RGSL1: variants seen among roughly 807,000 people sequenced by gnomAD.
The protein encoded by RGSL1 is regulator of G protein signaling protein-like.
A neutral mutation model predicts 124.7 loss-of-function variants in RGSL1; 97 were observed. The observed-to-expected ratio is 0.78, with a 90% CI of 0.66 to 0.92. The LOEUF is 0.92. RGSL1 is among the 40% of genes least tolerant of loss of function. The pLI is 0.00. For synonymous variants in RGSL1, 424 were observed against 438.1 expected, an observed-to-expected ratio of 0.97 and a Z score of 0.40; for missense variants, 1,233 against 1,288.4, an observed-to-expected ratio of 0.96 and a Z score of 0.66.
chr1:182,548,982 C>A, intron 17 of RGSL1, 158 bp downstream of exon 17: 1 of 856,366 alleles, frequency 1.2e-6, no homozygotes, highest in Non-Finnish European at 1.7e-6. Context: ...CACTCCATCC[C>A]TCACACAGAA....
intron 6 of RGSL1, among the ~76,000 whole-genome samples, chr1:182,482,190 T>G (rs1654759330): frequency 6.6e-6 from 1 of 152,090 alleles, no homozygotes; most frequent in Non-Finnish European, 1.5e-5. Context: ...CAAAATATTT[T>G]CATGACAAAA....
In RGSL1 at chr1:182,556,166, C is replaced by A; in HGVS notation, c.*109C>A. 2 of 1,134,050 alleles carry A rather than the reference C, an allele frequency of 1.8e-6. No homozygotes were observed. The highest frequency in any genetic ancestry group is 2.5e-6 in the Non-Finnish European group (2 of 793,766). 70.2% of individuals were successfully genotyped at this position (1,134,050 alleles called of 1,614,324 possible). On this transcript the variant is annotated 3_prime_UTR_variant, in exon 21 of 22. Transcript: ENST00000294854. ...GTCCTGGTACCATCTTCCCCAGAAA[C>A]GATCAAGAAGGGCAATGGGTTGACA...
At chr1:182,548,177 T>C in intron 15 of RGSL1, 140 bp from the exon 16 acceptor site, 1 of 819,528 alleles carries the variant, frequency 1.2e-6, no homozygotes, top group South Asian at 1.6e-5. Context: ...GGATGAATTA[T>C]GACTGAATGA....
intron 8 of RGSL1, among the ~76,000 whole-genome samples, chr1:182,492,493 T>C (rs1171676673): frequency 6.6e-6 from 1 of 152,228 alleles, no homozygotes; most frequent in African/African-American, 2.4e-5. Context: ...ATGGGTCAGT[T>C]TTCCCTAAGA....
chr1:182,538,654 T>C (rs997074111), intron 14 of RGSL1, among the ~76,000 whole-genome samples: 1 of 152,020 alleles, frequency 6.6e-6, no homozygotes, highest in Non-Finnish European at 1.5e-5. Flanking sequence ...GGGCTGGAAC[T>C]AGGGTAAGGC....
intron 18 of RGSL1, among the ~76,000 whole-genome samples, chr1:182,551,482 G>T (rs1376023554): frequency 1.3e-5 from 2 of 152,228 alleles, no homozygotes; most frequent in Non-Finnish European, 2.9e-5. Flanking sequence ...GGTACATGGA[G>T]AGGATGATCT....
intron 13 of RGSL1, among the ~76,000 whole-genome samples, chr1:182,531,344 T>C (rs1038248865): frequency 1.3e-5 from 2 of 152,184 alleles, no homozygotes; most frequent in African/African-American, 4.8e-5. Flanking sequence ...GAGAACACCA[T>C]TTCCTTCTTT....
In RGSL1 at chr1:182,530,881, A is replaced by G. The variant is rs535169789; in HGVS notation, c.2335A>G (p.Ile779Val). 3 of 1,549,970 alleles carry G rather than the reference A, an allele frequency of 1.9e-6. No homozygotes were observed. The highest frequency in any genetic ancestry group is 1.7e-6 in the Non-Finnish European group (2 of 1,146,044). The part of the protein sequence containing the change: ...VQISSRKPSK[I>V]VSTYLQESQK... ...AATTTCGTCTAGGAAGCCCTCAAAG[A>G]TAGTGTCAACTTACCTACAGGAATC... Residue 779 changes from isoleucine to valine, a missense_variant, in exon 13 of 22, where the codon ATA becomes GTA. Transcript: ENST00000294854.
chr1:182,534,068 T>G (rs1659376592), intron 14 of RGSL1, among the ~76,000 whole-genome samples: 1 of 152,226 alleles, frequency 6.6e-6, no homozygotes. Context: ...ATGACTCTCT[T>G]GATGACATTT....
chr1:182,488,269 TGTGTTTG>T lies in RGSL1; in HGVS notation c.1432-13_1432-7del. The T allele has an allele frequency of 1.3e-6, 2 of 1,551,352 alleles. No individual in the cohort carries two copies. Among genetic ancestry groups the T allele is most frequent in the Non-Finnish European group, 8.7e-7 (1 of 1,146,368 alleles). On this transcript the variant is annotated splice_polypyrimidine_tract_variant and intron_variant, in intron 6 of 21. Coordinates refer to ENST00000294854, the MANE Select transcript of RGSL1 (RefSeq NM_001137669.2). ...ACCATCCACCTCATAATGCATATGCTGTGTTTGGTTTTCAGATGCTCAGTCCCTGGTA... is the reference window on the plus strand; with the variant it reads ...ACCATCCACCTCATAATGCATATGCTGTTTTCAGATGCTCAGTCCCTGGTA...
At chr1:182,468,627 G>T (rs1653550700) in intron 4 of RGSL1, among the ~76,000 whole-genome samples, 1 of 152,086 alleles carries the variant, frequency 6.6e-6, no homozygotes, top group Non-Finnish European at 1.5e-5. Flanking sequence ...TAGGGTTGAG[G>T]GGGAGGGATA....
intron 21 of RGSL1, 34 bp downstream of exon 21, chr1:182,556,256 T>A: frequency 1.8e-6 from 1 of 569,950 alleles, no homozygotes; most frequent in South Asian, 2.4e-5. Flanking sequence ...AGGAAGCGCA[T>A]CTTTCCACTA....
chr1:182,528,404 T>C (rs1006220419), intron 11 of RGSL1, among the ~76,000 whole-genome samples: 6 of 152,128 alleles, frequency 3.9e-5, no homozygotes, highest in Non-Finnish European at 5.9e-5. Context: ...TCCGCCAAAG[T>C]CTTAACTCAT....
chr1:182,494,709 G>C (rs540153989), intron 9 of RGSL1, among the ~76,000 whole-genome samples: 1 of 152,170 alleles, frequency 6.6e-6, no homozygotes, highest in South Asian at 2.1e-4. Flanking sequence ...ACCTTATAAT[G>C]GTCTTTGAAT....
chr1:182,516,039 C>T (rs1224893563), intron 9 of RGSL1, among the ~76,000 whole-genome samples: 1 of 152,218 alleles, frequency 6.6e-6, no homozygotes, highest in Admixed American at 6.5e-5. Context: ...CAGCAAAGTC[C>T]AGGTATCTCG....
chr1:182,460,158 G>A, intron 4 of RGSL1, 25 bp downstream of exon 4: 1 of 1,491,362 alleles, frequency 6.7e-7, no homozygotes, highest in South Asian at 1.2e-5. Context: ...GCATGCGTGT[G>A]TCTGTGTGTG....
At chr1:182,498,812 G>A (rs1656133786) in intron 9 of RGSL1, among the ~76,000 whole-genome samples, 1 of 135,132 alleles carries the variant, frequency 7.4e-6, no homozygotes, top group Admixed American at 7.5e-5. Context: ...TTTTTTTTGA[G>A]ACAGAGTCTT....
chr1:182,487,066 G>A (rs1655149163), intron 6 of RGSL1, among the ~76,000 whole-genome samples: 1 of 152,080 alleles, frequency 6.6e-6, no homozygotes, highest in African/African-American at 2.4e-5. Flanking sequence ...TATATTTACA[G>A]TTTATTTATT....
intron 16 of RGSL1, 82 bp downstream of exon 16, chr1:182,548,537 G>A (rs973665322): frequency 6.5e-6 from 10 of 1,532,274 alleles, no homozygotes; most frequent in Non-Finnish European, 7.9e-6. Context: ...TAATTGTCAG[G>A]CACCTCATAA....
Sources: gnomAD v4.1 joint callset for allele counts (sites outside exome capture counted in the v4.1 genomes callset) on GRCh38, gnomAD v4.1.1 for gene constraint, MANE v1.5 for transcripts, NCBI Gene and HGNC (gene_info 2026-07-23, HGNC 2026-07-21) for gene names.